Variants in FBXL5 observed in about 807,000 individuals in gnomAD.
FBXL5 encodes F-box/LRR-repeat protein 5.
In FBXL5, 26 loss-of-function variants were observed where a neutral mutation model predicts 78.3. The observed-to-expected ratio is 0.33, with a 90% CI of 0.24 to 0.46. FBXL5 has a LOEUF of 0.46. Among genes scored for constraint, FBXL5 ranks in the 20% least tolerant of loss-of-function variants. FBXL5 has a pLI of 1.00. For synonymous variants in FBXL5, 295 were observed against 282.5 expected (o/e 1.04, Z -0.45); for missense variants, 710 against 829.2 (o/e 0.86, Z 1.77).
At chr4:15,630,591 T>C (rs1291233760) in intron 6 of FBXL5, 75 bp downstream of exon 6, 1 of 1,320,606 alleles carries the variant, frequency 7.6e-7, no homozygotes, top group Non-Finnish European at 1.0e-6. Flanking sequence ...ATAAATCTAA[T>C]ACCTAATAAT....
chr4:15,653,429 T>C (rs1716382785), intron 1 of FBXL5, among the ~76,000 whole-genome samples: 1 of 152,198 alleles, frequency 6.6e-6, no homozygotes, highest in South Asian at 2.1e-4. Context: ...TGCTTAGCCT[T>C]AGTCTGCAAG....
Position 15,636,604 on chromosome 4 carries a change from T to C in FBXL5, c.656A>G (p.Tyr219Cys), listed in dbSNP as rs367736724. The change falls in exon 5 of 11, where the codon TAT (tyrosine) becomes TGT (cysteine). Residue 219 changes from tyrosine (Y) to cysteine (C), a missense_variant. Transcript: ENST00000341285. The part of the protein sequence containing the change: ...PPEVMLSIFS[Y>C]LNPQELCRCS... Reference sequence around the variant, plus strand: ...TCGACATAACTCTTGAGGATTAAGATAGCTGAAAATTGACAGCATTACCTC... The same window carrying C: ...TCGACATAACTCTTGAGGATTAAGACAGCTGAAAATTGACAGCATTACCTC... 5.6e-6 allele frequency: 9 copies of C among 1,613,926 alleles called. No homozygotes were observed. Among genetic ancestry groups the C allele is most frequent in the African/African-American group, 4.0e-5 (3 of 74,932 alleles).
At chr4:15,643,563 G>C (rs1386321894) in intron 2 of FBXL5, among the ~76,000 whole-genome samples, 1 of 95,912 alleles carries the variant, frequency 1.0e-5, no homozygotes, top group Non-Finnish European at 2.4e-5. Flanking sequence ...CTGCCACTAT[G>C]TCTGGCTAAA....
intron 1 of FBXL5, 44 bp downstream of exon 1, chr4:15,655,160 C>A: frequency 7.5e-7 from 1 of 1,337,820 alleles, no homozygotes; most frequent in South Asian, 1.5e-5. Context: ...CGCTCCCCAT[C>A]GCCGCCCGCA....
chr4:15,607,204 A>T (rs1181064086), intron 10 of FBXL5, among the ~76,000 whole-genome samples: 1 of 152,200 alleles, frequency 6.6e-6, no homozygotes, highest in Non-Finnish European at 1.5e-5. Context: ...TATAGATGAA[A>T]GGAGACTGCC....
upstream of FBXL5, among the ~76,000 whole-genome samples, chr4:15,663,628 C>G (rs749186912): frequency 6.6e-6 from 1 of 152,192 alleles, no homozygotes; most frequent in Non-Finnish European, 1.5e-5. Flanking sequence ...ACTACCTATT[C>G]TAGTGGACTG....
At chr4:15,674,908 C>CA (rs1361877928) in intron 1 of FBXL5, among the ~76,000 whole-genome samples, 1 of 152,146 alleles carries the variant, frequency 6.6e-6, no homozygotes, top group African/African-American at 2.4e-5. Context: ...CTCGGCCTCC[C>CA]AAAGTGCTGG....
chr4:15,608,895 AC>A (rs1161726089), intron 10 of FBXL5, among the ~76,000 whole-genome samples: 2 of 152,184 alleles, frequency 1.3e-5, no homozygotes, highest in African/African-American at 2.4e-5. Context: ...GAAGACAAGC[AC>A]TGTTTTAAAC....
intron 4 of FBXL5, among the ~76,000 whole-genome samples, chr4:15,638,270 T>G (rs1560229527): frequency 6.6e-6 from 1 of 152,210 alleles, no homozygotes; most frequent in Non-Finnish European, 1.5e-5. Context: ...TATAAATTTA[T>G]TCAAGAAACA....
chr4:15,638,882 T>C (rs1241181892), intron 3 of FBXL5, among the ~76,000 whole-genome samples, 188 bp from the exon 4 acceptor site: 1 of 152,186 alleles, frequency 6.6e-6, no homozygotes, highest in Non-Finnish European at 1.5e-5. Context: ...AAGAAGATCC[T>C]GGCCAGGCGC....
chr4:15,660,371 C>T (rs939031347), upstream of FBXL5, among the ~76,000 whole-genome samples: 9 of 152,200 alleles, frequency 5.9e-5, no homozygotes, highest in Admixed American at 3.9e-4. Context: ...CATGAGCCGC[C>T]GCACCCAGCC....
upstream of FBXL5, among the ~76,000 whole-genome samples, chr4:15,660,101 G>A (rs967424717): frequency 1.3e-5 from 2 of 148,838 alleles, no homozygotes; most frequent in African/African-American, 5.0e-5. Context: ...TTTTTTTAAA[G>A]AGGGTTTCAC....
chr4:15,605,862 G>C (rs768465742), intron 10 of FBXL5, 63 bp from the exon 11 acceptor site: 50 of 1,300,580 alleles, frequency 3.8e-5, no homozygotes, highest in Non-Finnish European at 5.4e-5. Flanking sequence ...AAATAATTTT[G>C]CTTATGAAGG....
intron 1 of FBXL5, among the ~76,000 whole-genome samples, chr4:15,668,559 A>G (rs1717640146): frequency 6.6e-6 from 1 of 152,162 alleles, no homozygotes; most frequent in Non-Finnish European, 1.5e-5. Flanking sequence ...TACAAGTCAC[A>G]TTCTAAAAAG....
intron 9 of FBXL5, among the ~76,000 whole-genome samples, chr4:15,621,322 T>A (rs1712460091): frequency 6.6e-6 from 1 of 152,154 alleles, no homozygotes; most frequent in Non-Finnish European, 1.5e-5. Flanking sequence ...AATGAACAAT[T>A]TGAAAAGTTT....
In FBXL5 at chr4:15,636,480, A is replaced by G. The variant is rs771301780; in HGVS notation, c.766+14T>C. On this transcript the variant is annotated intron_variant, in intron 5 of 10. Coordinates refer to ENST00000341285, the MANE Select transcript of FBXL5 (RefSeq NM_012161.4). ...AAAAATACATGAAAATATTTTAAAAACCCATTTACCTACCTCTGGCCCAAT... is the reference window on the plus strand; with the variant it reads ...AAAAATACATGAAAATATTTTAAAAGCCCATTTACCTACCTCTGGCCCAAT... 8.7e-6 allele frequency: 13 copies of G among 1,497,390 alleles called. No homozygotes were observed. The highest frequency in any genetic ancestry group is 4.7e-5 in the Admixed American group (2 of 42,988). The allele number at this position is 1,497,390 out of a possible 1,614,324, so 92.8% of individuals were successfully genotyped here.
chr4:15,623,977 C>T (rs186172945), intron 9 of FBXL5, among the ~76,000 whole-genome samples: 15 of 152,104 alleles, frequency 9.9e-5, no homozygotes, highest in African/African-American at 3.4e-4. Context: ...TGCCCGCCAC[C>T]GTGCCCGGCT....
At chr4:15,648,437 T>C (rs1715595532) in intron 1 of FBXL5, among the ~76,000 whole-genome samples, 1 of 152,216 alleles carries the variant, frequency 6.6e-6, no homozygotes. Flanking sequence ...CACTCCCATG[T>C]TCAATGCAGC....
chr4:15,668,900 G>A (rs1235883529), intron 1 of FBXL5, among the ~76,000 whole-genome samples: 2 of 152,140 alleles, frequency 1.3e-5, no homozygotes, highest in Non-Finnish European at 2.9e-5. Context: ...AAACTATCCA[G>A]AGTGACAACA....
Sources: allele counts gnomAD v4.1 joint callset (sites outside exome capture counted in the v4.1 genomes callset), GRCh38; gene constraint gnomAD v4.1.1; transcripts MANE v1.5; gene names NCBI Gene and HGNC (gene_info 2026-07-23, HGNC 2026-07-21).